KIAA0586: variants seen among roughly 807,000 people sequenced by gnomAD.
KIAA0586 encodes the protein KIAA0586.
Under a neutral mutation model 169.8 loss-of-function variants are expected in KIAA0586, and 144 were observed. The observed-to-expected ratio is 0.85, with a 90% CI of 0.74 to 0.97. KIAA0586 has a LOEUF of 0.97. KIAA0586 is among the 50% of genes least tolerant of loss of function. The pLI, the probability that KIAA0586 is intolerant of heterozygous loss-of-function variation, is 0.00. For synonymous variants in KIAA0586, 625 were observed against 612.4 expected, an observed-to-expected ratio of 1.02 and a Z score of -0.30; for missense variants, 1,854 against 1,823.0, an observed-to-expected ratio of 1.02 and a Z score of -0.31.
chr14:58,535,229 A>G (rs944382597), intron 29 of KIAA0586, among the ~76,000 whole-genome samples: 1 of 152,238 alleles, frequency 6.6e-6, no homozygotes, highest in African/African-American at 2.4e-5. Context: ...TTGTTTTAGT[A>G]GCTGTTTCAC....
chr14:58,502,594 G>T lies in KIAA0586; in HGVS notation c.4168+3634G>T, dbSNP rs1446788220. Among the ~76,000 whole-genome samples, 5 of 152,180 alleles carry T rather than the reference G, an allele frequency of 3.3e-5. No homozygotes were observed. In the South Asian group the frequency reaches 1.0e-3, roughly 32 times the overall value. Reference sequence around the variant, plus strand: ...AGGGATCACTGGGGGCTATCTTGGAGGTAATAGTGTCTATCTCATTATGGT... The same window carrying T: ...AGGGATCACTGGGGGCTATCTTGGATGTAATAGTGTCTATCTCATTATGGT... On this transcript the variant is annotated intron_variant, in intron 27 of 30. Coordinates refer to ENST00000652326, the MANE Select transcript of KIAA0586 (RefSeq NM_001329943.3).
downstream of KIAA0586, among the ~76,000 whole-genome samples, chr14:58,553,044 T>G (rs1437208695): frequency 6.6e-6 from 1 of 152,232 alleles, no homozygotes; most frequent in Non-Finnish European, 1.5e-5. Flanking sequence ...TAATTTTATT[T>G]CCTTTGGTCA....
intron 30 of KIAA0586, among the ~76,000 whole-genome samples, chr14:58,541,442 TA>T (rs1366967029): frequency 6.6e-6 from 1 of 152,302 alleles, no homozygotes; most frequent in Non-Finnish European, 1.5e-5. Flanking sequence ...TCCATGCCCT[TA>T]AGGAATGCAT....
intron 20 of KIAA0586, among the ~76,000 whole-genome samples, chr14:58,478,688 C>T (rs1482936959): frequency 6.6e-6 from 1 of 152,166 alleles, no homozygotes; most frequent in Non-Finnish European, 1.5e-5. Flanking sequence ...GATAGAAAAA[C>T]ATTTCTGTCT....
At chr14:58,496,327 T>A (rs1312729379) in intron 26 of KIAA0586, among the ~76,000 whole-genome samples, 1 of 152,160 alleles carries the variant, frequency 6.6e-6, no homozygotes, top group Admixed American at 6.5e-5. Context: ...AAGTCTTCAG[T>A]AGGGTCATAG....
chr14:58,482,566 G>A lies in KIAA0586; in HGVS notation c.2998G>A (p.Val1000Met). The change falls in exon 21 of 31, where the codon GTG (valine) becomes ATG (methionine). Residue 1000 changes from valine (V) to methionine (M), a missense_variant. By Grantham distance (21) the Val-to-Met change is conservative (BLOSUM62 1). Transcript: ENST00000652326. Reference sequence around the variant, plus strand: ...GCTTTTTGTTGATGCTGGTGTTCCTGTGAACTCAAATGTGATTAAACATTT... The same window carrying A: ...GCTTTTTGTTGATGCTGGTGTTCCTATGAACTCAAATGTGATTAAACATTT... ...LQLFVDAGVP[V>M]NSNVIKHFVN... 1.3e-6 allele frequency: 2 copies of A among 1,590,562 alleles called. No individual in the cohort carries two copies. The highest frequency in any genetic ancestry group is 1.7e-4 in the Middle Eastern group (1 of 5,970).
At chr14:58,460,764 A>C (rs1019115868) in intron 13 of KIAA0586, among the ~76,000 whole-genome samples, 5 of 152,130 alleles carry the variant, frequency 3.3e-5, no homozygotes, top group African/African-American at 1.2e-4. Context: ...AGTAATGTAA[A>C]AATTTTCATG....
intron 30 of KIAA0586, among the ~76,000 whole-genome samples, chr14:58,546,135 T>G (rs561927938): frequency 6.6e-6 from 1 of 152,338 alleles, no homozygotes; most frequent in East Asian, 1.9e-4. Flanking sequence ...ATTTGAAATA[T>G]TCTATTTAAA....
At chr14:58,506,682 C>G (rs1235403132) in intron 27 of KIAA0586, among the ~76,000 whole-genome samples, 1 of 77,800 alleles carries the variant, frequency 1.3e-5, no homozygotes, top group African/African-American at 5.0e-5. Context: ...GTCTCCGTCT[C>G]AAAAAAAAAA....
chr14:58,431,547 G>C (rs958275619), intron 3 of KIAA0586, among the ~76,000 whole-genome samples: 2 of 152,114 alleles, frequency 1.3e-5, no homozygotes, highest in African/African-American at 4.8e-5. Context: ...GATTACAGGC[G>C]TGAGCCACCG....
intron 25 of KIAA0586, 95 bp from the exon 26 acceptor site, chr14:58,492,049 C>G: frequency 2.0e-6 from 2 of 1,008,856 alleles, no homozygotes; most frequent in Middle Eastern, 3.3e-4. Flanking sequence ...ATATCATCAT[C>G]TCATGACTGA....
intron 30 of KIAA0586, among the ~76,000 whole-genome samples, chr14:58,541,330 C>G (rs971663201): frequency 6.6e-6 from 1 of 152,216 alleles, no homozygotes; most frequent in East Asian, 1.9e-4. Context: ...AACAGACTTA[C>G]AAGTTAGTAA....
At chr14:58,506,344 A>G (rs1205977816) in intron 27 of KIAA0586, among the ~76,000 whole-genome samples, 4 of 152,188 alleles carry the variant, frequency 2.6e-5, no homozygotes, top group African/African-American at 9.6e-5. Flanking sequence ...TAATTTTGAT[A>G]AATTGTTTTA....
At chr14:58,451,085 T>C (rs1232440251) in intron 8 of KIAA0586, among the ~76,000 whole-genome samples, 2 of 151,434 alleles carry the variant, frequency 1.3e-5, no homozygotes, top group African/African-American at 4.9e-5. Flanking sequence ...GCCTCCCGGG[T>C]TCACCCCATT....
At chr14:58,503,903 C>T (rs1595405801) in intron 27 of KIAA0586, among the ~76,000 whole-genome samples, 1 of 151,796 alleles carries the variant, frequency 6.6e-6, no homozygotes, top group East Asian at 1.9e-4. Context: ...CAGCAGGGAG[C>T]AGAAACCAGG....
the KIAA0586 span, among the ~76,000 whole-genome samples, chr14:58,561,817 C>CT: frequency 6.6e-6 from 1 of 151,392 alleles, no homozygotes; most frequent in Admixed American, 6.6e-5. Flanking sequence ...ACTTTTTTTT[C>CT]TTTTTCTCTT....
In KIAA0586 at chr14:58,428,108, C is replaced by T; in HGVS notation, c.-157C>T. 1 of 1,461,756 alleles carries T rather than the reference C, an allele frequency of 6.8e-7. No individual in the cohort carries two copies. The allele number at this position is 1,461,756 out of a possible 1,614,324, so 90.5% of individuals were successfully genotyped here. ...TATGACTTTATAGTCAGCTCTAATC[C>T]TGGATTCAATATCAGAATTTAGATT... On this transcript the variant is annotated 5_prime_UTR_variant, in exon 1 of 31. Coordinates refer to ENST00000652326, the MANE Select transcript of KIAA0586 (RefSeq NM_001329943.3).
rs182274649 is a variant in KIAA0586 at position 58,482,621 on chromosome 14, C to A, written c.3053C>A (p.Ala1018Asp). 94 of 1,609,218 alleles carry A rather than the reference C, an allele frequency of 5.8e-5. No homozygotes were observed. In the African/African-American group the frequency reaches 1.1e-3, roughly 19 times the overall value. Reference sequence around the variant, plus strand: ...AACGAAGCTCTTGCTGAGACCATTGCTGTCATGCTGGGTGACAGAGAAGCA... The same window carrying A: ...AACGAAGCTCTTGCTGAGACCATTGATGTCATGCTGGGTGACAGAGAAGCA... ...FVNEALAETI[A>D]VMLGDREAKK... The change falls in exon 21 of 31, where the codon GCT becomes GAT. Residue 1018 changes from alanine (A) to aspartate (D), a missense_variant. Physicochemically the swap from Ala to Asp is moderately radical, Grantham distance 126. Coordinates refer to ENST00000652326, the MANE Select transcript of KIAA0586 (RefSeq NM_001329943.3).
chr14:58,470,704 CT>C lies in KIAA0586; in HGVS notation c.2535del (p.Val846CysfsTer5). On this transcript the variant is annotated frameshift_variant, in exon 17 of 31. Coordinates refer to ENST00000652326, the MANE Select transcript of KIAA0586 (RefSeq NM_001329943.3). LOFTEE classifies it high-confidence loss of function. Reference protein sequence around the residue: ...LSSPKEASLPPVQTWIKTPEI... With the variant: ...LSSPKEASLPXVQTWIKTPEI... The stretch of plus-strand genomic sequence containing the variant: ...AGCCCCAAAGAAGCATCTCTTCCTC[CT>C]GTGCAAACTTGGATAAAGGTATATT... 6.3e-7 allele frequency: 1 copy of C among 1,575,674 alleles called. No individual in the cohort carries two copies. The highest frequency in any genetic ancestry group is 8.7e-7 in the Non-Finnish European group (1 of 1,145,550).
Sources: gnomAD v4.1 joint callset for allele counts (sites outside exome capture counted in the v4.1 genomes callset) on GRCh38, gnomAD v4.1.1 for gene constraint, MANE v1.5 for transcripts, NCBI Gene and HGNC (gene_info 2026-07-23, HGNC 2026-07-21) for gene names.